PRDM15: variants seen among roughly 807,000 people sequenced by gnomAD.
PRDM15 encodes the protein PR domain zinc finger protein 15.
PRDM15 carries 64 observed loss-of-function variants against 128.6 expected under a neutral mutation model. That is an observed-to-expected ratio of 0.50 (90% CI 0.41 to 0.61). PRDM15 has a LOEUF of 0.61. Among genes scored for constraint, PRDM15 ranks in the 20% least tolerant of loss-of-function variants. The probability of loss-of-function intolerance (pLI) is 0.00; values close to 1 mark genes in which losing one functional copy is unlikely to be tolerated. For synonymous variants in PRDM15, 615 were observed against 621.8 expected (o/e 0.99, Z 0.16); for missense variants, 1,242 against 1,569.1 (o/e 0.79, Z 3.52).
Position 41,800,838 on chromosome 21 carries a change from A to C in PRDM15, c.*402T>G. The C allele has an allele frequency of 5.9e-6, 1 of 170,350 alleles. No homozygotes were observed. The highest frequency in any genetic ancestry group is 1.7e-4 in the East Asian group (1 of 5,954). The allele number at this position is 170,350 out of a possible 1,614,324, so 10.6% of individuals were successfully genotyped here. ...TGTGTTCTCATAGGAACCGAGCTCTAAAAGAAAAAAGAAAATGAACCATTT... is the reference window on the plus strand; with the variant it reads ...TGTGTTCTCATAGGAACCGAGCTCTCAAAGAAAAAAGAAAATGAACCATTT... On this transcript the variant is annotated 3_prime_UTR_variant, in exon 24 of 24. Coordinates refer to ENST00000398548, the MANE Select transcript of PRDM15 (RefSeq NM_001040424.3).
intron 11 of PRDM15, among the ~76,000 whole-genome samples, chr21:41,833,215 A>G (rs934896950): frequency 3.3e-5 from 5 of 152,230 alleles, no homozygotes; most frequent in African/African-American, 1.2e-4. Flanking sequence ...GAACACGAAG[A>G]TGAGTTACAC....
Position 41,859,810 on chromosome 21 carries a change from C to T in PRDM15, c.38-125G>A, listed in dbSNP as rs980023779. 7.9e-6 allele frequency: 6 copies of T among 760,266 alleles called. No individual in the cohort carries two copies. The highest frequency in any genetic ancestry group is 2.3e-4 in the Middle Eastern group (1 of 4,390). The allele number at this position is 760,266 out of a possible 1,614,324, so 47.1% of individuals were successfully genotyped here. A position where few individuals can be genotyped will look rare whatever the true frequency, so the allele number is the denominator to read the frequency against. ...GAGTCATGAGACACATGCATGCCGACACTGCAAAGACAAGCAAGGGAGGGT... is the reference window on the plus strand; with the variant it reads ...GAGTCATGAGACACATGCATGCCGATACTGCAAAGACAAGCAAGGGAGGGT... On this transcript the variant is annotated intron_variant, in intron 2 of 23. Transcript: ENST00000398548. The surrounding 1 kb of genome is among the most constrained non-coding windows in gnomAD (Gnocchi z 5.3).
intron 8 of PRDM15, 88 bp downstream of exon 8, chr21:41,837,846 C>A: frequency 1.4e-6 from 2 of 1,450,584 alleles, no homozygotes; most frequent in Non-Finnish European, 1.9e-6. Flanking sequence ...GGCTTTCCTG[C>A]TGGGAAGGTG....
At chr21:41,834,395 G>A in intron 11 of PRDM15, 1 of 953,054 alleles carries the variant, frequency 1.0e-6, no homozygotes, top group Non-Finnish European at 1.6e-6. Flanking sequence ...TGCTGCAGGT[G>A]CCCTGTTCTC....
chr21:41,819,338 A>C, intron 18 of PRDM15, among the ~76,000 whole-genome samples: 1 of 127,200 alleles, frequency 7.9e-6, no homozygotes. Context: ...CACCTTTCCC[A>C]CACTCCCAGT....
At chr21:41,871,247 A>G (rs1385481525) in intron 1 of PRDM15, among the ~76,000 whole-genome samples, 1 of 152,098 alleles carries the variant, frequency 6.6e-6, no homozygotes, top group African/African-American at 2.4e-5. Context: ...CTCATTTCCC[A>G]TTAAATACAA....
Position 41,828,061 on chromosome 21 carries a change from C to T in PRDM15, c.1534+105G>A, listed in dbSNP as rs966465348. The T allele has an allele frequency of 1.5e-4, 172 of 1,175,826 alleles. No individual in the cohort carries two copies. The African/African-American group carries it at 2.2e-3, about 15-fold the overall frequency. 72.8% of individuals were successfully genotyped at this position (1,175,826 alleles called of 1,614,324 possible). A position where few individuals can be genotyped will look rare whatever the true frequency, so the allele number is the denominator to read the frequency against. ...CGTTTCCAGGCAAAGGAGCAGGCGG[C>T]ACCGAACTGCTCCCCAAAGGCCCTG... On this transcript the variant is annotated intron_variant, in intron 12 of 23. Transcript: ENST00000398548. The surrounding 1 kb of genome is among the most constrained non-coding windows in gnomAD (Gnocchi z 5.7).
At chr21:41,867,415 A>G in intron 1 of PRDM15, 3 of 1,436,024 alleles carry the variant, frequency 2.1e-6, no homozygotes, top group Non-Finnish European at 2.9e-6. Context: ...GAGGCTCTAC[A>G]CACTTCAGCA....
At chr21:41,867,187 C>T in intron 1 of PRDM15, 1 of 743,328 alleles carries the variant, frequency 1.3e-6, no homozygotes, top group Non-Finnish European at 2.3e-6. Context: ...TCTATTCACA[C>T]ACAGAGTGAC....
chr21:41,825,456 C>T lies in PRDM15; in HGVS notation c.1629+504G>A, dbSNP rs540984615. 3.9e-5 allele frequency among the ~76,000 whole-genome samples: 6 copies of T among 152,384 alleles called. No homozygotes were observed. The East Asian group carries it at 1.2e-3, about 29-fold the overall frequency. On this transcript the variant is annotated intron_variant, in intron 13 of 23. Coordinates refer to ENST00000398548, the MANE Select transcript of PRDM15 (RefSeq NM_001040424.3). The stretch of plus-strand genomic sequence containing the variant: ...CTCCCATGGATGACATCACCCTTTC[C>T]TCTCTTGGGCAGCGCCGGGCATCCA...
At position 41,819,622 on chromosome 21, in the gene PRDM15, G is replaced by A. The variant is rs530802758; in HGVS notation, c.2220C>T (p.His740=). 22 of 1,612,096 alleles carry A rather than the reference G, an allele frequency of 1.4e-5. No individual in the cohort carries two copies. The highest frequency in any genetic ancestry group is 1.6e-4 in the Middle Eastern group (1 of 6,062). Residue 740 remains histidine, a synonymous_variant, in exon 18 of 24, where the codon CAC becomes CAT. Transcript: ENST00000398548. ...CACACAGGTACTCGCGGACATTGTCGTGCACACGCATGTGCTCCTTCAGCA... is the reference window on the plus strand; with the variant it reads ...CACACAGGTACTCGCGGACATTGTCATGCACACGCATGTGCTCCTTCAGCA... The part of the protein sequence containing the change: ...KDMLKEHMRV[H]DNVREYLCAE...
At chr21:41,806,441 A>T (rs1166080219) in intron 21 of PRDM15, among the ~76,000 whole-genome samples, 1 of 54,156 alleles carries the variant, frequency 1.8e-5, no homozygotes. Context: ...CACCACCACC[A>T]TCACCACCAC....
chr21:41,816,387 A>G (rs1185344531), intron 18 of PRDM15, among the ~76,000 whole-genome samples: 1 of 152,174 alleles, frequency 6.6e-6, no homozygotes, highest in Non-Finnish European at 1.5e-5. Flanking sequence ...AGCACTGTAC[A>G]AGGCCCTCCG....
At chr21:41,868,407 CA>C (rs1433336045) in intron 1 of PRDM15, among the ~76,000 whole-genome samples, 1 of 152,104 alleles carries the variant, frequency 6.6e-6, no homozygotes, top group South Asian at 2.1e-4. Context: ...AATAAACTGA[CA>C]GGCTGTTTTC....
At chr21:41,836,689 G>A in intron 8 of PRDM15, 40 bp from the exon 9 acceptor site, 5 of 1,539,564 alleles carry the variant, frequency 3.2e-6, no homozygotes, top group Non-Finnish European at 3.5e-6. Context: ...AGACAGGTGG[G>A]AAAAAAGTTC....
intron 13 of PRDM15, among the ~76,000 whole-genome samples, chr21:41,824,376 G>C (rs916405578): frequency 1.3e-5 from 2 of 152,218 alleles, no homozygotes; most frequent in Non-Finnish European, 2.9e-5. Flanking sequence ...AGATGTCATG[G>C]TCTTTACAGG....
At chr21:41,837,724 A>C (rs991322399) in intron 8 of PRDM15, among the ~76,000 whole-genome samples, 16 of 152,186 alleles carry the variant, frequency 1.1e-4, no homozygotes, top group Non-Finnish European at 5.9e-5. Flanking sequence ...CATTTTTCTA[A>C]AGCTGTTTTC....
intron 11 of PRDM15, among the ~76,000 whole-genome samples, chr21:41,830,725 A>C (rs2062658339): frequency 6.6e-6 from 1 of 151,924 alleles, no homozygotes; most frequent in Non-Finnish European, 1.5e-5. Flanking sequence ...AGAAACACAC[A>C]GCCACACACA....
intron 1 of PRDM15, among the ~76,000 whole-genome samples, chr21:41,868,501 G>A (rs560121882): frequency 2.0e-4 from 31 of 151,988 alleles, no homozygotes; most frequent in Non-Finnish European, 3.7e-4. Flanking sequence ...GCATCTGGTG[G>A]GTCACTATTT....
Sources: gnomAD v4.1 joint callset for allele counts (sites outside exome capture counted in the v4.1 genomes callset) on GRCh38, gnomAD v4.1.1 for gene constraint, Gnocchi (gnomAD v3.1) non-coding constraint, MANE v1.5 for transcripts, NCBI Gene and HGNC (gene_info 2026-07-23, HGNC 2026-07-21) for gene names.